The following ELK3 variants were observed in gnomAD, a reference collection of about 807,000 sequenced individuals.
ELK3 encodes ETS domain-containing protein Elk-3.
A neutral mutation model predicts 28.9 loss-of-function variants in ELK3; 10 were observed. The observed-to-expected ratio is 0.35, with a 90% confidence interval of 0.21 to 0.59. The LOEUF is 0.59. ELK3 is among the 20% of genes least tolerant of loss of function. The pLI, the probability that ELK3 is intolerant of heterozygous loss-of-function variation, is 0.82. For synonymous variants in ELK3, 272 were observed against 243.5 expected, an observed-to-expected ratio of 1.12 and a Z score of -1.09; for missense variants, 463 against 517.3, an observed-to-expected ratio of 0.90 and a Z score of 1.02.
At chr12:96,260,995 A>G (rs765034208) in intron 4 of ELK3, among the ~76,000 whole-genome samples, 2 of 152,194 alleles carry the variant, frequency 1.3e-5, no homozygotes, top group African/African-American at 2.4e-5. Flanking sequence ...TTGGTACACA[A>G]GTGAGGCTCA....
In ELK3 at chr12:96,235,332, G is replaced by A. The variant is rs186004643; in HGVS notation, c.207+11559G>A. 3.5e-3 allele frequency among the ~76,000 whole-genome samples: 534 copies of A among 151,880 alleles called. 1 individual carries two copies. The highest frequency in any genetic ancestry group is 5.7e-3 in the Non-Finnish European group (390 of 67,976). ...GCTGGCGCCTCACTTGGTGATGGCC[G>A]TGTCTGTTCCATGGCCCCTCCCAGA... On this transcript the variant is annotated intron_variant, in intron 2 of 4. Coordinates refer to ENST00000228741, the MANE Select transcript of ELK3 (RefSeq NM_005230.4).
At chr12:96,261,728 TG>T (rs1168559472) in intron 4 of ELK3, among the ~76,000 whole-genome samples, 5 of 152,196 alleles carry the variant, frequency 3.3e-5, no homozygotes, top group African/African-American at 1.2e-4. Flanking sequence ...GGAGCACTAT[TG>T]GCTGGGGGTT....
intron 2 of ELK3, among the ~76,000 whole-genome samples, chr12:96,240,636 T>C (rs1951814581): frequency 6.6e-6 from 1 of 152,184 alleles, no homozygotes; most frequent in Admixed American, 6.5e-5. Flanking sequence ...AGGGCCTGTT[T>C]GTTAGGAAAA....
chr12:96,197,219 G>T (rs1387575614), intron 1 of ELK3, among the ~76,000 whole-genome samples: 2 of 152,198 alleles, frequency 1.3e-5, no homozygotes, highest in South Asian at 4.1e-4. Flanking sequence ...TACGTTAGTG[G>T]TTCACAACTA....
At chr12:96,259,404 T>C (rs565394318) in intron 3 of ELK3, among the ~76,000 whole-genome samples, 4 of 151,834 alleles carry the variant, frequency 2.6e-5, no homozygotes, top group Non-Finnish European at 5.9e-5. Context: ...ATACAAAAAT[T>C]AGTCGGTGGT....
chr12:96,210,762 G>C (rs951899937), intron 1 of ELK3, among the ~76,000 whole-genome samples: 7 of 152,200 alleles, frequency 4.6e-5, no homozygotes, highest in Admixed American at 3.9e-4. Flanking sequence ...ACAAAATGGT[G>C]GATGGGGTGG....
In ELK3 at chr12:96,247,880, T is replaced by TCA. The variant is rs1951871275; in HGVS notation, c.1002+146_1002+147insCA. On this transcript the variant is annotated intron_variant, in intron 3 of 4. Transcript: ENST00000228741. The surrounding 1 kb of genome is among the most constrained non-coding windows in gnomAD (Gnocchi z 5.5). ...TCACTGTGTAAATGTGAAGGGAAGC[T>TCA]GCTTTTCCATCCTCAGACCAAGGGG... is the stretch of plus-strand genomic sequence containing the variant. The TCA allele has an allele frequency of 9.3e-7, 1 of 1,078,198 alleles. No homozygotes were observed. The highest frequency in any genetic ancestry group is 1.8e-5 in the South Asian group (1 of 55,104). The allele number at this position is 1,078,198 out of a possible 1,614,324, so 66.8% of individuals were successfully genotyped here. A position where few individuals can be genotyped will look rare whatever the true frequency, so the allele number is the denominator to read the frequency against.
intron 2 of ELK3, among the ~76,000 whole-genome samples, chr12:96,229,523 CTTTTTTT>C (rs10578974): frequency 3.0e-5 from 2 of 66,274 alleles, no homozygotes; most frequent in Non-Finnish European, 5.2e-5. Context: ...CCAGATTTTC[CTTTTTTT>C]TTTTTTTTTT....
chr12:96,218,512 G>A (rs979953911), intron 1 of ELK3, among the ~76,000 whole-genome samples: 4 of 152,102 alleles, frequency 2.6e-5, no homozygotes, highest in Non-Finnish European at 2.9e-5. Context: ...CCTGTTGGGT[G>A]CAGTGTTCGC....
intron 2 of ELK3, among the ~76,000 whole-genome samples, chr12:96,236,737 A>G (rs763360060): frequency 2.2e-4 from 34 of 152,354 alleles, no homozygotes; most frequent in Non-Finnish European, 3.1e-4. Context: ...CTCGCTGAAC[A>G]GAGACAATTT....
At chr12:96,250,305 G>T (rs1318392058) in intron 3 of ELK3, among the ~76,000 whole-genome samples, 1 of 152,250 alleles carries the variant, frequency 6.6e-6, no homozygotes, top group East Asian at 1.9e-4. Flanking sequence ...CAATGAGGGA[G>T]ACACCAGAGG....
At chr12:96,235,616 G>A (rs1425937689) in intron 2 of ELK3, among the ~76,000 whole-genome samples, 1 of 152,022 alleles carries the variant, frequency 6.6e-6, no homozygotes, top group Non-Finnish European at 1.5e-5. Flanking sequence ...CGAGGGGAGG[G>A]GAGTTTCCAA....
intron 1 of ELK3, among the ~76,000 whole-genome samples, chr12:96,196,899 A>G (rs1268391357): frequency 6.6e-6 from 1 of 152,060 alleles, no homozygotes; most frequent in African/African-American, 2.4e-5. Flanking sequence ...TTACGGTGGC[A>G]AAGTTGTCCT....
At chr12:96,229,354 G>T (rs1397639477) in intron 2 of ELK3, among the ~76,000 whole-genome samples, 1 of 152,090 alleles carries the variant, frequency 6.6e-6, no homozygotes, top group East Asian at 1.9e-4. Context: ...CAGAGCCAGG[G>T]TGTCAGCAGA....
In ELK3 at chr12:96,267,296, C is replaced by A; in HGVS notation, c.*116C>A. On this transcript the variant is annotated 3_prime_UTR_variant, in exon 5 of 5. Coordinates refer to ENST00000228741, the MANE Select transcript of ELK3 (RefSeq NM_005230.4). ...GAAACTCTTGTTAATTTGGTTTGCA[C>A]TTTTCATAACATGGATAGTCTAGAT... 1 of 794,366 alleles carries A rather than the reference C, an allele frequency of 1.3e-6. No homozygotes were observed. The highest frequency in any genetic ancestry group is 2.0e-6 in the Non-Finnish European group (1 of 511,106). 49.2% of individuals were successfully genotyped at this position (794,366 alleles called of 1,614,324 possible).
chr12:96,257,790 T>C (rs1375094651), intron 3 of ELK3, among the ~76,000 whole-genome samples: 1 of 152,252 alleles, frequency 6.6e-6, no homozygotes, highest in Non-Finnish European at 1.5e-5. Context: ...CCAGGCTGAC[T>C]CAGTTGAGTT....
intron 2 of ELK3, among the ~76,000 whole-genome samples, chr12:96,233,982 A>G (rs779033732): frequency 3.3e-5 from 5 of 152,212 alleles, no homozygotes; most frequent in Non-Finnish European, 5.9e-5. Flanking sequence ...CTGGGGGCGC[A>G]GGGGATGACC....
chr12:96,260,586 C>G (rs1464451302), intron 4 of ELK3, among the ~76,000 whole-genome samples: 1 of 152,212 alleles, frequency 6.6e-6, no homozygotes, highest in African/African-American at 2.4e-5. Context: ...CATTCACACA[C>G]CAGAATCTTG....
intron 4 of ELK3, among the ~76,000 whole-genome samples, chr12:96,263,376 C>G (rs1952007528): frequency 6.6e-6 from 1 of 152,102 alleles, no homozygotes; most frequent in Non-Finnish European, 1.5e-5. Context: ...TTATTATTTT[C>G]TTCTTGTCTA....
Sources: gnomAD v4.1 joint callset for allele counts (sites outside exome capture counted in the v4.1 genomes callset) on GRCh38, gnomAD v4.1.1 for gene constraint, Gnocchi (gnomAD v3.1) non-coding constraint, MANE v1.5 for transcripts, NCBI Gene and HGNC (gene_info 2026-07-23, HGNC 2026-07-21) for gene names.